SLC39A12: variants seen among roughly 807,000 people sequenced by gnomAD.
SLC39A12 encodes solute carrier family 39 member 12, also known as zinc transporter ZIP12.
Under a neutral mutation model 71.1 loss-of-function variants are expected in SLC39A12, and 63 were observed. The ratio of observed to expected loss-of-function variants is 0.89; its 90% CI spans 0.72 to 1.09. SLC39A12 has a LOEUF of 1.09. Ranked by LOEUF, SLC39A12 falls within the 50% of genes least tolerant of loss-of-function variation. SLC39A12 has a pLI of 0.00. For synonymous variants in SLC39A12, 351 were observed against 301.3 expected, an observed-to-expected ratio of 1.16 and a Z score of -1.71; for missense variants, 892 against 812.6, an observed-to-expected ratio of 1.10 and a Z score of -1.19.
At chr10:18,022,308 GT>G (rs1163487356) in intron 12 of SLC39A12, among the ~76,000 whole-genome samples, 1 of 151,556 alleles carries the variant, frequency 6.6e-6, no homozygotes. Context: ...TTTCTCAGAG[GT>G]TTTGTTTATT....
At chr10:18,002,600 A>G (rs1254180752) in intron 11 of SLC39A12, 1 of 152,214 alleles carries the variant, frequency 6.6e-6, no homozygotes, top group Admixed American at 6.5e-5. Context: ...AGATGTTCTC[A>G]GATTTACTAA....
At chr10:18,036,761 TATATATATATATATATA>T (rs1564665823) in intron 12 of SLC39A12, among the ~76,000 whole-genome samples, 9 of 7,256 alleles carry the variant, frequency 1.2e-3, no homozygotes, top group African/African-American at 5.4e-3. Flanking sequence ...TATATATATA[TATATATATATATATATA>T]TATATATATA....
intron 12 of SLC39A12, among the ~76,000 whole-genome samples, chr10:18,011,130 C>T: frequency 6.6e-6 from 1 of 152,076 alleles, no homozygotes; most frequent in East Asian, 1.9e-4. Flanking sequence ...CACTCTGTCG[C>T]TCAGGCTGGA....
intron 11 of SLC39A12, among the ~76,000 whole-genome samples, chr10:18,001,429 G>A (rs756958381): frequency 2.0e-5 from 3 of 152,146 alleles, no homozygotes; most frequent in African/African-American, 4.8e-5. Flanking sequence ...TGGGAGAATC[G>A]CTTGAACCCA....
chr10:18,026,651 T>C (rs940931211), intron 12 of SLC39A12, among the ~76,000 whole-genome samples: 1 of 152,128 alleles, frequency 6.6e-6, no homozygotes, highest in Non-Finnish European at 1.5e-5. Flanking sequence ...CTTTCTAATA[T>C]GTTATGCCTT....
At chr10:18,012,826 A>G (rs1470233778) in intron 12 of SLC39A12, among the ~76,000 whole-genome samples, 1 of 145,106 alleles carries the variant, frequency 6.9e-6, no homozygotes, top group Non-Finnish European at 1.5e-5. Flanking sequence ...AGATCGCACC[A>G]CTGCACTCCA....
chr10:18,009,584 T>C (rs1027566949), intron 12 of SLC39A12: 2 of 152,290 alleles, frequency 1.3e-5, no homozygotes, highest in African/African-American at 2.4e-5. Flanking sequence ...TCAACCTTAT[T>C]TTACTTATCT....
intron 5 of SLC39A12, among the ~76,000 whole-genome samples, chr10:17,978,289 A>C (rs1324422646): frequency 6.6e-6 from 1 of 152,240 alleles, no homozygotes; most frequent in Non-Finnish European, 1.5e-5. Context: ...GGGGAATGAA[A>C]TATATTGCTT....
At chr10:17,989,570 T>G (rs1315730071) in intron 7 of SLC39A12, among the ~76,000 whole-genome samples, 1 of 151,652 alleles carries the variant, frequency 6.6e-6, no homozygotes, top group Non-Finnish European at 1.5e-5. Flanking sequence ...GAGGAGAACT[T>G]CAGAGATTAG....
At chr10:18,014,903 T>C (rs1836332816) in intron 12 of SLC39A12, among the ~76,000 whole-genome samples, 1 of 152,170 alleles carries the variant, frequency 6.6e-6, no homozygotes, top group Non-Finnish European at 1.5e-5. Flanking sequence ...AACCTATGTA[T>C]GGTTTCATGT....
intron 7 of SLC39A12, among the ~76,000 whole-genome samples, chr10:17,989,817 C>G (rs1379458696): frequency 2.6e-5 from 4 of 151,924 alleles, no homozygotes; most frequent in Admixed American, 2.6e-4. Flanking sequence ...ACTCTGGAGG[C>G]TGAGGCAGGA....
chr10:17,998,108 C>T (rs1835735774), intron 10 of SLC39A12, among the ~76,000 whole-genome samples: 1 of 152,186 alleles, frequency 6.6e-6, no homozygotes, highest in Admixed American at 6.5e-5. Context: ...AAGCGATTCT[C>T]CTGCCTCAAC....
At chr10:17,973,612 G>C (rs1381205740) in intron 4 of SLC39A12, among the ~76,000 whole-genome samples, 2 of 152,078 alleles carry the variant, frequency 1.3e-5, no homozygotes, top group African/African-American at 4.8e-5. Context: ...CAGACATGTT[G>C]GAGTTCCATT....
At chr10:18,035,386 A>C (rs951779965) in intron 12 of SLC39A12, among the ~76,000 whole-genome samples, 1 of 133,818 alleles carries the variant, frequency 7.5e-6, no homozygotes, top group African/African-American at 3.1e-5. Flanking sequence ...TTCTCGCTTC[A>C]TTTCATTCAT....
At chr10:17,957,003 C>A (rs188466340) in intron 2 of SLC39A12, among the ~76,000 whole-genome samples, 1 of 152,010 alleles carries the variant, frequency 6.6e-6, no homozygotes, top group Admixed American at 6.6e-5. Context: ...TGTTAGCCAC[C>A]CCCCACCTCC....
Position 17,961,565 on chromosome 10 carries a change from T to C in SLC39A12, c.262-16T>C, listed in dbSNP as rs915468756. ...AGCTTTGTTTCTTTTGTTGTTGTTA[T>C]TGTTTTCTTCCACAGTGCTTTGAAC... On this transcript the variant is annotated splice_polypyrimidine_tract_variant and intron_variant, in intron 2 of 12. Coordinates refer to ENST00000377369, the MANE Select transcript of SLC39A12 (RefSeq NM_001145195.2). The C allele has an allele frequency of 8.2e-6, 13 of 1,591,508 alleles. No individual in the cohort carries two copies. The highest frequency in any genetic ancestry group is 1.8e-5 in the Admixed American group (1 of 55,518).
chr10:17,964,683 T>G (rs1204107134), intron 3 of SLC39A12, among the ~76,000 whole-genome samples: 1 of 152,200 alleles, frequency 6.6e-6, no homozygotes, highest in Non-Finnish European at 1.5e-5. Context: ...TGTACCAGAT[T>G]TGACATGCAA....
intron 4 of SLC39A12, among the ~76,000 whole-genome samples, chr10:17,971,895 C>A (rs971592433): frequency 6.6e-6 from 1 of 152,052 alleles, no homozygotes; most frequent in African/African-American, 2.4e-5. Context: ...TTTGCTCTTG[C>A]TGCTCTAGTT....
chr10:18,011,519 G>T (rs919656329), intron 12 of SLC39A12, among the ~76,000 whole-genome samples: 1 of 152,200 alleles, frequency 6.6e-6, no homozygotes, highest in Non-Finnish European at 1.5e-5. Flanking sequence ...CCAGCAGTAG[G>T]CTATAAGTCG....
Sources: gnomAD v4.1 joint callset for allele counts (sites outside exome capture counted in the v4.1 genomes callset) on GRCh38, gnomAD v4.1.1 for gene constraint, MANE v1.5 for transcripts, NCBI Gene and HGNC (gene_info 2026-07-23, HGNC 2026-07-21) for gene names.